The following CRELD2 variants were observed in gnomAD, a reference collection of about 807,000 sequenced individuals.
The protein encoded by CRELD2 is protein disulfide isomerase CRELD2.
CRELD2 carries 33 observed loss-of-function variants against 48.1 expected under a neutral mutation model. The observed-to-expected ratio is 0.69, with a 90% CI of 0.52 to 0.92. The LOEUF is 0.92. Among genes scored for constraint, CRELD2 ranks in the 40% least tolerant of loss-of-function variants. The pLI is 0.00. For missense variants in CRELD2, 477 were observed against 482.4 expected (o/e 0.99, Z 0.10); for synonymous variants, 220 against 203.9 (o/e 1.08, Z -0.67).
At chr22:49,922,290 T>TTG in intron 5 of CRELD2, 2 of 1,183,090 alleles carry the variant, frequency 1.7e-6, no homozygotes, top group South Asian at 1.6e-5. Context: ...CTTACGCCCC[T>TTG]CAGCAGTCAG....
rs1289450536 is a variant in CRELD2, at chr22:49,927,351, G to T, written c.*44G>T. 6.4e-7 allele frequency: 1 copy of T among 1,558,292 alleles called. No individual in the cohort carries two copies. The highest frequency in any genetic ancestry group is 1.7e-5 in the Admixed American group (1 of 59,914). On this transcript the variant is annotated 3_prime_UTR_variant, in exon 10 of 10. Coordinates refer to ENST00000328268, the MANE Select transcript of CRELD2 (RefSeq NM_024324.5). The stretch of plus-strand genomic sequence containing the variant: ...TAAATTATTCAGAAGGATGTCCCGT[G>T]GAAAATGTGGCCCTGAGGATGCCGT...
chr22:49,921,313 G>C, intron 4 of CRELD2: 1 of 485,982 alleles, frequency 2.1e-6, no homozygotes, highest in Non-Finnish European at 3.7e-6. Context: ...GGACAGCTGT[G>C]CTATGCAGGG....
rs1048189186 is a variant in CRELD2 at position 49,918,686 on chromosome 22, G to A, written c.-84G>A. 4.3e-6 allele frequency: 2 copies of A among 468,382 alleles called. No individual in the cohort carries two copies. The highest frequency in any genetic ancestry group is 2.0e-5 in the African/African-American group (1 of 49,158). 29.0% of individuals were successfully genotyped at this position (468,382 alleles called of 1,614,324 possible). On this transcript the variant is annotated 5_prime_UTR_variant, in exon 1 of 10. Transcript: ENST00000328268. ...CTGGGGGACAGGCCGGCGCGGCTGG[G>A]AGCGGGTGGGCGGCCGGGAGGCCGG...
intron 5 of CRELD2, chr22:49,922,358 C>G (rs755063333): frequency 6.2e-7 from 1 of 1,610,950 alleles, no homozygotes; most frequent in Non-Finnish European, 8.5e-7. Context: ...GTTGGCGTGG[C>G]GTGGGCCACG....
intron 5 of CRELD2, chr22:49,922,058 G>A (rs2060693839): frequency 1.7e-6 from 1 of 604,786 alleles, no homozygotes; most frequent in South Asian, 2.2e-5. Flanking sequence ...GGTCCTGGAG[G>A]TGCCGTGTGG....
Position 49,924,363 on chromosome 22 carries a change from G to C in CRELD2, c.776G>C (p.Cys259Ser). The C allele has an allele frequency of 6.2e-7, 1 of 1,610,754 alleles. No homozygotes were observed. The highest frequency in any genetic ancestry group is 8.5e-7 in the Non-Finnish European group (1 of 1,178,530). The change falls in exon 8 of 10, where the codon TGT becomes TCT. Residue 259 changes from cysteine to serine, a missense_variant. Cys to Ser is a moderately radical substitution (Grantham distance 112, BLOSUM62 -1). Coordinates refer to ENST00000328268, the MANE Select transcript of CRELD2 (RefSeq NM_024324.5). ...TGACGCTGGCTCCCTGTTGCAGAGT[G>C]TGACTCCAGCTGTGTGGGCTGCACA... ...NANGSYTCEE[C>S]DSSCVGCTGE...
At chr22:49,924,073 C>T (rs908676097) in intron 7 of CRELD2, 2 of 286,454 alleles carry the variant, frequency 7.0e-6, no homozygotes, top group African/African-American at 4.4e-5. Flanking sequence ...CCAATGGTCA[C>T]CGAGCTGGAG....
chr22:49,920,079 A>G (rs7410773), intron 3 of CRELD2, 77 bp from the exon 4 acceptor site: 80,410 of 950,888 alleles, frequency 0.085, 4,636 homozygotes, highest in African/African-American at 0.19. Context: ...TCCAGAGCAT[A>G]TGTTACGTTC....
Position 49,918,655 on chromosome 22 carries a change from A to G in CRELD2, c.-115A>G, listed in dbSNP as rs867521586. 83 of 372,196 alleles carry G rather than the reference A, an allele frequency of 2.2e-4. No individual in the cohort carries two copies. The highest frequency in any genetic ancestry group is 1.6e-3 in the African/African-American group (76 of 47,172). 23.1% of individuals were successfully genotyped at this position (372,196 alleles called of 1,614,324 possible). On this transcript the variant is annotated 5_prime_UTR_variant, in exon 1 of 10. Coordinates refer to ENST00000328268, the MANE Select transcript of CRELD2 (RefSeq NM_024324.5). ...GGGCGGGGCCTCGCCGGCGCCGTCA[A>G]GTAGCCTGGGGGACAGGCCGGCGCG...
chr22:49,927,357 T>A lies in CRELD2; in HGVS notation c.*50T>A, dbSNP rs1167932522. The A allele has an allele frequency of 6.5e-7, 1 of 1,543,770 alleles. No individual in the cohort carries two copies. On this transcript the variant is annotated 3_prime_UTR_variant, in exon 10 of 10. Transcript: ENST00000328268. Reference sequence around the variant, plus strand: ...ATTCAGAAGGATGTCCCGTGGAAAATGTGGCCCTGAGGATGCCGTCTCCTG... The same window carrying A: ...ATTCAGAAGGATGTCCCGTGGAAAAAGTGGCCCTGAGGATGCCGTCTCCTG...
chr22:49,923,238 G>T lies in CRELD2; in HGVS notation c.693G>T (p.Val231=), dbSNP rs1392146085. ...AGCTGTGCCGCTCTGTTCCAGATGT[G>T]GACGAGTGTGCGGCCGAGCCGCCTC... ...WVLDEGACVD[V]DECAAEPPPC... is the part of the protein sequence containing the mutation. The change falls in exon 7 of 10, where the codon GTG becomes GTT. Residue 231 remains valine (V), a synonymous_variant. Transcript: ENST00000328268. 6.3e-7 allele frequency: 1 copy of T among 1,577,694 alleles called. No homozygotes were observed. The highest frequency in any genetic ancestry group is 2.2e-5 in the East Asian group (1 of 44,758).
At chr22:49,926,943 C>T (rs575148951) in intron 9 of CRELD2, among the ~76,000 whole-genome samples, 35 of 118,310 alleles carry the variant, frequency 3.0e-4, no homozygotes, top group African/African-American at 1.2e-3. Flanking sequence ...ACCCTCGGTC[C>T]CCTCTTTCTC....
rs1235498540 is a variant in CRELD2, at chr22:49,918,988, G to GCCCTCACCCTGGATCCGGGGTCC, written c.129+105_129+127dup. ...GTCGCCCCACCTTGGGCCCAGGGTC[G>GCCCTCACCCTGGATCCGGGGTCC]CCCTCACCCTGGATCCGGGGTCCCC... On this transcript the variant is annotated intron_variant, in intron 1 of 9. Coordinates refer to ENST00000328268, the MANE Select transcript of CRELD2 (RefSeq NM_024324.5). 98 of 1,118,040 alleles carry GCCCTCACCCTGGATCCGGGGTCC rather than the reference G, an allele frequency of 8.8e-5. 2 individuals are homozygous for GCCCTCACCCTGGATCCGGGGTCC. The highest frequency in any genetic ancestry group is 8.5e-4 in the South Asian group (48 of 56,454). The allele number at this position is 1,118,040 out of a possible 1,614,324, so 69.3% of individuals were successfully genotyped here.
chr22:49,921,997 T>C (rs1276488509), intron 5 of CRELD2: 1 of 602,802 alleles, frequency 1.7e-6, no homozygotes, highest in Non-Finnish European at 2.9e-6. Flanking sequence ...CCTTTCTCTC[T>C]AGTTCAAGGT....
rs149445398 is a variant in CRELD2, at chr22:49,927,260, A to G, written c.1015A>G (p.Thr339Ala). ...CTATGCTTGTTTTCTGACAGAAGCCACAGAAGGAGAAAGCCCGACACAGCT... is the reference window on the plus strand; with the variant it reads ...CTATGCTTGTTTTCTGACAGAAGCCGCAGAAGGAGAAAGCCCGACACAGCT... ...ACVPPAEAEA[T>A]EGESPTQLPS... The change falls in exon 10 of 10, where the codon ACA (threonine) becomes GCA (alanine). Residue 339 changes from threonine to alanine, a missense_variant. By Grantham distance (58) the Thr-to-Ala change is moderately conservative (BLOSUM62 0). Transcript: ENST00000328268. The G allele has an allele frequency of 3.2e-5, 52 of 1,612,258 alleles. No homozygotes were observed. Among genetic ancestry groups the G allele is most frequent in the Non-Finnish European group, 4.3e-5 (51 of 1,179,826 alleles).
rs1197387541 is a variant in CRELD2 at position 49,924,560 on chromosome 22, G to A, written c.868+105G>A. The A allele has an allele frequency of 1.8e-5, 14 of 791,946 alleles. No individual in the cohort carries two copies. The Admixed American group carries it at 2.1e-4, about 12-fold the overall frequency. The allele number at this position is 791,946 out of a possible 1,614,324, so 49.1% of individuals were successfully genotyped here. On this transcript the variant is annotated intron_variant, in intron 8 of 9. Transcript: ENST00000328268. Reference sequence around the variant, plus strand: ...CAGGGATGGGAAGCAGTTGAGACCCGTCCTGCAGACGTGGCTCCCCCAGGG... The same window carrying A: ...CAGGGATGGGAAGCAGTTGAGACCCATCCTGCAGACGTGGCTCCCCCAGGG...
intron 2 of CRELD2, 84 bp downstream of exon 2, chr22:49,919,396 G>C: frequency 2.4e-6 from 3 of 1,261,342 alleles, no homozygotes; most frequent in Non-Finnish European, 3.4e-6. Context: ...CTGTGTTAAT[G>C]ACAGGGAGAC....
chr22:49,918,857 C>A lies in CRELD2; in HGVS notation c.88C>A (p.Pro30Thr), dbSNP rs1438228236. The A allele has an allele frequency of 1.5e-6, 2 of 1,313,756 alleles. No individual in the cohort carries two copies. The highest frequency in any genetic ancestry group is 3.1e-5 in the East Asian group (1 of 32,274). 81.4% of individuals were successfully genotyped at this position (1,313,756 alleles called of 1,614,324 possible). A position where few individuals can be genotyped will look rare whatever the true frequency, so the allele number is the denominator to read the frequency against. The change falls in exon 1 of 10, where the codon CCC becomes ACC. Residue 30 changes from proline to threonine, a missense_variant. Physicochemically the swap from Pro to Thr is conservative, Grantham distance 38. Transcript: ENST00000328268. Reference protein sequence around the residue: ...PAPEAAKKPTPCHRCRGLVDK... With the variant: ...PAPEAAKKPTTCHRCRGLVDK... The stretch of plus-strand genomic sequence containing the variant: ...GCCGGAGGCCGCCAAGAAGCCGACG[C>A]CCTGCCACCGGTGCCGGGGGCTGGT...
intron 4 of CRELD2, 96 bp from the exon 5 acceptor site, chr22:49,921,489 C>G: frequency 7.8e-7 from 1 of 1,277,410 alleles, no homozygotes; most frequent in South Asian, 1.5e-5. Context: ...TCCTCAGAAT[C>G]GTACAGGGTT....
Sources: gnomAD v4.1 joint callset for allele counts (sites outside exome capture counted in the v4.1 genomes callset) on GRCh38, gnomAD v4.1.1 for gene constraint, MANE v1.5 for transcripts, NCBI Gene and HGNC (gene_info 2026-07-23, HGNC 2026-07-21) for gene names.